The following ABTB3 variants were observed in gnomAD, a reference collection of about 807,000 sequenced individuals.
The protein encoded by ABTB3 is ankyrin repeat and BTB domain containing 3.
chr12:107,551,907 C>T, the ABTB3 span, among the ~76,000 whole-genome samples: 3 of 152,150 alleles, frequency 2.0e-5, no homozygotes, highest in Non-Finnish European at 4.4e-5. Flanking sequence ...CATGCACCAC[C>T]ATGCCCGGCT....
chr12:107,640,140 A>G, the ABTB3 span, among the ~76,000 whole-genome samples: 1 of 152,204 alleles, frequency 6.6e-6, no homozygotes, highest in African/African-American at 2.4e-5. Flanking sequence ...CATTTCAGTG[A>G]CTTGACTGTT....
At chr12:107,553,625 G>A in the ABTB3 span, among the ~76,000 whole-genome samples, 4 of 152,092 alleles carry the variant, frequency 2.6e-5, no homozygotes, top group East Asian at 1.9e-4. Context: ...GTGGCAGGAC[G>A]TTCTCCTGTA....
chr12:107,494,655 C>G, the ABTB3 span, among the ~76,000 whole-genome samples: 1 of 152,210 alleles, frequency 6.6e-6, no homozygotes, highest in Non-Finnish European at 1.5e-5. Context: ...CTTCAGGGAG[C>G]TTTCGGAGCC....
chr12:107,657,148 A>T, the ABTB3 span, among the ~76,000 whole-genome samples: 1 of 152,216 alleles, frequency 6.6e-6, no homozygotes, highest in African/African-American at 2.4e-5. Flanking sequence ...CTCACTGATA[A>T]ACTTCATCAA....
the ABTB3 span, among the ~76,000 whole-genome samples, chr12:107,345,769 G>A: frequency 6.6e-6 from 1 of 152,210 alleles, no homozygotes; most frequent in South Asian, 2.1e-4. Flanking sequence ...GGTGTTGGCA[G>A]TAGGGCTTGG....
At chr12:107,319,811 C>T in the ABTB3 span, 5 of 1,339,510 alleles carry the variant, frequency 3.7e-6, no homozygotes, top group Non-Finnish European at 4.8e-6. Context: ...GCGGGAGGCG[C>T]CCGGGGGAGG....
At chr12:107,560,237 T>C in the ABTB3 span, among the ~76,000 whole-genome samples, 1 of 152,196 alleles carries the variant, frequency 6.6e-6, no homozygotes, top group Non-Finnish European at 1.5e-5. Flanking sequence ...TTACTGTTCT[T>C]TTAAAACTAC....
chr12:107,404,120 G>A, the ABTB3 span, among the ~76,000 whole-genome samples: 1 of 127,262 alleles, frequency 7.9e-6, no homozygotes, highest in Non-Finnish European at 1.6e-5. Flanking sequence ...CTGAGATCAC[G>A]CCACTGCATG....
At chr12:107,514,103 C>T in the ABTB3 span, among the ~76,000 whole-genome samples, 77 of 152,340 alleles carry the variant, frequency 5.1e-4, no homozygotes, top group African/African-American at 1.7e-3. Context: ...TTTAACCCCT[C>T]TTTGCTGATG....
chr12:107,564,127 T>A, the ABTB3 span, among the ~76,000 whole-genome samples: 7 of 151,440 alleles, frequency 4.6e-5, no homozygotes, highest in African/African-American at 1.5e-4. Context: ...TGTGTGTGTG[T>A]GTGTGTGTGT....
At chr12:107,465,785 A>G in the ABTB3 span, among the ~76,000 whole-genome samples, 2 of 151,974 alleles carry the variant, frequency 1.3e-5, no homozygotes, top group South Asian at 2.1e-4. Context: ...CAGGCCTAAC[A>G]TCCCTGACTT....
the ABTB3 span, among the ~76,000 whole-genome samples, chr12:107,448,814 G>A: frequency 2.6e-5 from 4 of 151,788 alleles, no homozygotes; most frequent in Non-Finnish European, 5.9e-5. Flanking sequence ...CAGGTGGTCC[G>A]CCCGCCTCGT....
At chr12:107,582,154 C>T in the ABTB3 span, among the ~76,000 whole-genome samples, 1 of 152,134 alleles carries the variant, frequency 6.6e-6, no homozygotes, top group African/African-American at 2.4e-5. Context: ...TATGCAGCAG[C>T]CCCCCGAAGG....
the ABTB3 span, chr12:107,520,669 C>A: frequency 6.2e-7 from 1 of 1,611,354 alleles, no homozygotes; most frequent in Non-Finnish European, 8.5e-7. Context: ...GCTCTCATGC[C>A]TCAAGACATA....
the ABTB3 span, among the ~76,000 whole-genome samples, chr12:107,525,324 C>CAAAAAAAA: frequency 2.3e-3 from 79 of 34,814 alleles, 1 homozygote; most frequent in Middle Eastern, 0.02. Flanking sequence ...AAGATCCTGT[C>CAAAAAAAA]AAAAAAAAAA....
chr12:107,486,611 T>A, the ABTB3 span: 2 of 151,880 alleles, frequency 1.3e-5, no homozygotes, highest in Admixed American at 1.3e-4. Context: ...ATATTGGGCA[T>A]GTTCAGGGTG....
the ABTB3 span, among the ~76,000 whole-genome samples, chr12:107,360,726 G>T: frequency 6.6e-6 from 1 of 152,132 alleles, no homozygotes. Context: ...CACCAAAGGA[G>T]TTCTCTCCAT....
chr12:107,418,362 T>C, the ABTB3 span, among the ~76,000 whole-genome samples: 2 of 152,314 alleles, frequency 1.3e-5, no homozygotes, highest in African/African-American at 4.8e-5. Flanking sequence ...TTGTGGAACC[T>C]TGTGATTGTG....
the ABTB3 span, among the ~76,000 whole-genome samples, chr12:107,446,205 A>G: frequency 3.3e-5 from 5 of 152,026 alleles, no homozygotes; most frequent in Admixed American, 6.5e-5. Context: ...GGGAAAGAGC[A>G]GGAGCCTTCC....
Sources: allele counts gnomAD v4.1 joint callset (sites outside exome capture counted in the v4.1 genomes callset), GRCh38; gene constraint gnomAD v4.1.1; transcripts MANE v1.5; gene names NCBI Gene and HGNC (gene_info 2026-07-23, HGNC 2026-07-21).